Variants in ST6GAL1 observed in about 807,000 individuals in gnomAD.
The protein encoded by ST6GAL1 is ST6 beta-galactoside alpha-2,6-sialyltransferase 1.
In ST6GAL1, 20 loss-of-function variants were observed where a neutral mutation model predicts 38.0. That is an observed-to-expected ratio of 0.53 (90% CI 0.37 to 0.77). The LOEUF is 0.77. ST6GAL1 is among the 30% of genes least tolerant of loss of function. The pLI, the probability that ST6GAL1 is intolerant of heterozygous loss-of-function variation, is 0.00. For synonymous variants in ST6GAL1, 196 were observed against 188.2 expected, an observed-to-expected ratio of 1.04 and a Z score of -0.34; for missense variants, 432 against 496.4, an observed-to-expected ratio of 0.87 and a Z score of 1.23.
intron 2 of ST6GAL1, among the ~76,000 whole-genome samples, chr3:186,985,327 G>A (rs951406540): frequency 6.6e-6 from 1 of 151,988 alleles, no homozygotes; most frequent in East Asian, 1.9e-4. Flanking sequence ...CTGCTAGTAT[G>A]TAAAACTCTA....
At position 186,977,940 on chromosome 3, in the gene ST6GAL1, G is replaced by A. The variant is rs919168190; in HGVS notation, c.-183+14014G>A. On this transcript the variant is annotated intron_variant, in intron 2 of 7. Coordinates refer to ENST00000169298, the MANE Select transcript of ST6GAL1 (RefSeq NM_173216.2). ...GATAAGAAAACAGTCTCGGCCGGGC[G>A]TGGTGGCTCATGCCTGTAATCCCAG... Among the ~76,000 whole-genome samples the A allele has an allele frequency of 2.6e-5, 4 of 152,250 alleles. No individual in the cohort carries two copies. In the South Asian group the frequency reaches 6.2e-4, roughly 24 times the overall value.
At chr3:187,048,880 A>ATTTTTTTTTTTTTT (rs374148828) in intron 4 of ST6GAL1, among the ~76,000 whole-genome samples, 20 of 115,444 alleles carry the variant, frequency 1.7e-4, no homozygotes, top group African/African-American at 7.2e-4. Context: ...GAGAAATTGA[A>ATTTTTTTTTTTTTT]TTTTTTTTTT....
intron 3 of ST6GAL1, among the ~76,000 whole-genome samples, chr3:187,040,608 G>A (rs1394801356): frequency 6.6e-6 from 1 of 152,170 alleles, no homozygotes; most frequent in Non-Finnish European, 1.5e-5. Context: ...ATGAGATATT[G>A]CAAGGAAAGT....
At chr3:186,935,412 T>C (rs1560133583) in intron 1 of ST6GAL1, among the ~76,000 whole-genome samples, 1 of 152,312 alleles carries the variant, frequency 6.6e-6, no homozygotes, top group Admixed American at 6.5e-5. Flanking sequence ...TCTAGGCTAC[T>C]GTTGATGGGT....
chr3:187,021,024 G>A (rs1717279716), intron 2 of ST6GAL1, among the ~76,000 whole-genome samples: 1 of 151,682 alleles, frequency 6.6e-6, no homozygotes, highest in African/African-American at 2.4e-5. Flanking sequence ...GAGTGCAATG[G>A]CGTGATCTCT....
At chr3:186,936,369 A>G (rs142477930) in intron 1 of ST6GAL1, among the ~76,000 whole-genome samples, 7 of 152,336 alleles carry the variant, frequency 4.6e-5, no homozygotes, top group African/African-American at 1.7e-4. Context: ...TAGACAGGGA[A>G]TTAGTTGCTC....
intron 2 of ST6GAL1, among the ~76,000 whole-genome samples, chr3:187,029,472 G>A (rs900603622): frequency 6.6e-6 from 1 of 152,174 alleles, no homozygotes; most frequent in Admixed American, 6.5e-5. Context: ...TAGGGGGTTT[G>A]AGGAAGTTCT....
In ST6GAL1 at chr3:187,051,242, T is replaced by A. The variant is rs748600191; in HGVS notation, c.608-7T>A. 2 of 1,613,158 alleles carry A rather than the reference T, an allele frequency of 1.2e-6. No homozygotes were observed. Among genetic ancestry groups the A allele is most frequent in the South Asian group, 2.2e-5 (2 of 91,032 alleles). ...TCACCTCTTTTCTGTTTCTTTGTGG[T>A]TTATAGATGATCATGACGCAGTCCT... is the stretch of plus-strand genomic sequence containing the variant. On this transcript the variant is annotated splice_region_variant and splice_polypyrimidine_tract_variant and intron_variant, in intron 4 of 7. Transcript: ENST00000169298.
At chr3:187,022,299 G>A (rs1717346047) in intron 2 of ST6GAL1, among the ~76,000 whole-genome samples, 1 of 152,240 alleles carries the variant, frequency 6.6e-6, no homozygotes, top group East Asian at 1.9e-4. Flanking sequence ...TGTGTTGATT[G>A]TTGTGGTGTG....
intron 2 of ST6GAL1, among the ~76,000 whole-genome samples, chr3:187,008,100 T>C (rs1716840269): frequency 6.6e-6 from 1 of 152,074 alleles, no homozygotes; most frequent in South Asian, 2.1e-4. Flanking sequence ...AAAATACTGG[T>C]GCAGAAAAAA....
chr3:187,065,951 G>C (rs752380253), intron 5 of ST6GAL1, among the ~76,000 whole-genome samples: 1 of 152,282 alleles, frequency 6.6e-6, no homozygotes, highest in African/African-American at 2.4e-5. Flanking sequence ...AGCCCAGAAA[G>C]TAAGCGACAG....
chr3:187,052,225 A>G (rs1312963081), intron 5 of ST6GAL1, among the ~76,000 whole-genome samples: 3 of 152,072 alleles, frequency 2.0e-5, no homozygotes, highest in Non-Finnish European at 2.9e-5. Flanking sequence ...CCTTACTTTC[A>G]GGAACTCACC....
chr3:187,071,601 C>A (rs67563526), intron 5 of ST6GAL1, among the ~76,000 whole-genome samples: 43,721 of 150,096 alleles, frequency 0.29, 6,585 homozygotes, highest in East Asian at 0.39. Context: ...TACAAAAAAA[C>A]CCCCAAAAAA....
intron 2 of ST6GAL1, among the ~76,000 whole-genome samples, chr3:187,033,233 G>A (rs1717813541): frequency 6.6e-6 from 1 of 152,186 alleles, no homozygotes; most frequent in Admixed American, 6.5e-5. Context: ...GGCCAACATG[G>A]TGAAACCCCA....
chr3:186,969,500 C>T (rs1410711971), intron 2 of ST6GAL1, among the ~76,000 whole-genome samples: 1 of 152,126 alleles, frequency 6.6e-6, no homozygotes, highest in Admixed American at 6.5e-5. Flanking sequence ...GATTTTTTTA[C>T]CCATTTAAAG....
intron 1 of ST6GAL1, among the ~76,000 whole-genome samples, chr3:186,953,458 A>G (rs957719485): frequency 1.3e-5 from 2 of 152,114 alleles, no homozygotes; most frequent in African/African-American, 4.8e-5. Context: ...TTTAGATGTC[A>G]CCTTGTCAAA....
chr3:186,936,959 A>G (rs1388306726), intron 1 of ST6GAL1, among the ~76,000 whole-genome samples: 4 of 151,382 alleles, frequency 2.6e-5, no homozygotes, highest in South Asian at 4.2e-4. Context: ...AAAAAAAAAA[A>G]AAAGAAAAAG....
chr3:187,034,435 T>C (rs1007347934), intron 2 of ST6GAL1, among the ~76,000 whole-genome samples: 1 of 152,010 alleles, frequency 6.6e-6, no homozygotes, highest in African/African-American at 2.4e-5. Context: ...TACCAAAACC[T>C]GGCAAAGACA....
intron 2 of ST6GAL1, among the ~76,000 whole-genome samples, chr3:187,027,847 C>T (rs537444016): frequency 6.6e-6 from 1 of 152,070 alleles, no homozygotes; most frequent in South Asian, 2.1e-4. Context: ...AGAGAAGGAG[C>T]CAGCAACGAG....
Sources: allele counts gnomAD v4.1 joint callset (sites outside exome capture counted in the v4.1 genomes callset), GRCh38; gene constraint gnomAD v4.1.1; transcripts MANE v1.5; gene names NCBI Gene and HGNC (gene_info 2026-07-23, HGNC 2026-07-21).